The following SMC1A variants were observed in gnomAD, a reference collection of about 807,000 sequenced individuals.
SMC1A encodes structural maintenance of chromosomes protein 1A.
Under a neutral mutation model 94.5 loss-of-function variants are expected in SMC1A, and 4 were observed. The ratio of observed to expected loss-of-function variants is 0.04; its 90% CI spans 0.02 to 0.10. The LOEUF (loss-of-function observed/expected upper bound fraction) is 0.10. SMC1A is among the 10% of genes least tolerant of loss of function. The pLI is 1.00. For synonymous variants in SMC1A, 345 were observed against 347.7 expected, an observed-to-expected ratio of 0.99 and a Z score of 0.09; for missense variants, 304 against 989.0, an observed-to-expected ratio of 0.31 and a Z score of 9.29.
intron 13 of SMC1A, 97 bp from the exon 14 acceptor site, chrX:53,403,990 T>C: frequency 1.6e-6 from 1 of 616,546 alleles, no homozygotes; most frequent in Non-Finnish European, 2.8e-6. Flanking sequence ...GGGCTAGCTC[T>C]CCACAACTGA....
chrX:53,384,788 T>TA (rs1462584009), intron 19 of SMC1A, among the ~76,000 whole-genome samples: 2 of 109,754 alleles, frequency 1.8e-5, no homozygotes, highest in African/African-American at 3.3e-5. Context: ...TCTACAAAAA[T>TA]AAAAAAATTA....
At chrX:53,420,683 G>A (rs1325460135) in intron 1 of SMC1A, among the ~76,000 whole-genome samples, 1 of 111,725 alleles carries the variant, frequency 9.0e-6, no homozygotes, top group South Asian at 3.7e-4. Flanking sequence ...TGCAGACCAG[G>A]AGTCAGCCTT....
intron 5 of SMC1A, among the ~76,000 whole-genome samples, 165 bp downstream of exon 5, chrX:53,412,735 T>C (rs1324616396): frequency 8.0e-5 from 9 of 112,048 alleles, no homozygotes; most frequent in Non-Finnish European, 1.7e-4. Flanking sequence ...AATATTCTAT[T>C]TGTCTAAACT....
At chrX:53,422,671 G>C, upstream of SMC1A, 1 of 702,022 alleles carries the variant, frequency 1.4e-6, no homozygotes, top group African/African-American at 2.1e-5. Flanking sequence ...GCCCGCGCGG[G>C]AAACGCCGCA....
intron 1 of SMC1A, among the ~76,000 whole-genome samples, 173 bp from the exon 2 acceptor site, chrX:53,415,342 G>A (rs1556891130): frequency 9.0e-6 from 1 of 111,354 alleles, no homozygotes; most frequent in Non-Finnish European, 1.9e-5. Flanking sequence ...AAACCTCTGG[G>A]TCAAAGGCTT....
chrX:53,389,330 T>C (rs1464669750), intron 19 of SMC1A, among the ~76,000 whole-genome samples: 1 of 111,183 alleles, frequency 9.0e-6, no homozygotes, highest in East Asian at 2.8e-4. Context: ...GCTTTATCAA[T>C]CATCCACTAA....
chrX:53,391,004 GAAA>G (rs1175710151), intron 19 of SMC1A, among the ~76,000 whole-genome samples: 1 of 54,009 alleles, frequency 1.9e-5, no homozygotes, highest in Non-Finnish European at 3.4e-5. Flanking sequence ...AAAAGAAAAA[GAAA>G]AAAAAAAAAA....
rs1458449132 is a variant in SMC1A at position 53,375,261 on chromosome X, C to T, written c.*4842G>A. 1 of 112,152 alleles carries T rather than the reference C, an allele frequency of 8.9e-6. No individual in the cohort carries two copies. Among genetic ancestry groups the T allele is most frequent in the East Asian group, 2.8e-4 (1 of 3,593 alleles). 9.2% of individuals were successfully genotyped at this position (112,152 alleles called of 1,213,427 possible). A position where few individuals can be genotyped will look rare whatever the true frequency, so the allele number is the denominator to read the frequency against. ...CTAAGTCCCACCTTCTCCCTGACCA[C>T]CTCTGCCTGTCCTGATCTACAATGG... On this transcript the variant is annotated 3_prime_UTR_variant, in exon 25 of 25. Transcript: ENST00000322213.
chrX:53,402,891 G>A (rs1279645719), intron 15 of SMC1A, among the ~76,000 whole-genome samples: 2 of 15,609 alleles, frequency 1.3e-4, no homozygotes, highest in East Asian at 2.1e-3. Context: ...AAAAAGGGCC[G>A]GCAATATGGC....
In SMC1A at chrX:53,382,914, C is replaced by T. The variant is rs28718889; in HGVS notation, c.3130+183G>A. 0.12 allele frequency among the ~76,000 whole-genome samples: 12,948 copies of T among 110,829 alleles called. 1,899 individuals carry two copies. Among genetic ancestry groups the T allele is most frequent in the African/African-American group, 0.4 (12,226 of 30,211 alleles). ...GACCTTGAACAGGTCATTTACTCTC[C>T]GGGAACCTCAGCAATTTTCCGTTCT... On this transcript the variant is annotated intron_variant, in intron 20 of 24. Transcript: ENST00000322213.
At chrX:53,421,973 G>C in intron 1 of SMC1A, 1 of 1,209,800 alleles carries the variant, frequency 8.3e-7, no homozygotes, top group Middle Eastern at 2.3e-4. Flanking sequence ...AAATTCAAAA[G>C]TGCCGCCTCC....
intron 1 of SMC1A, among the ~76,000 whole-genome samples, chrX:53,415,468 G>A (rs1556891147): frequency 1.8e-5 from 2 of 110,191 alleles, no homozygotes; most frequent in Non-Finnish European, 1.9e-5. Flanking sequence ...CAGGAAGATC[G>A]CTTGAGGCCA....
intron 3 of SMC1A, among the ~76,000 whole-genome samples, chrX:53,414,070 C>G (rs1401678705): frequency 2.2e-5 from 1 of 45,561 alleles, no homozygotes; most frequent in Non-Finnish European, 4.3e-5. Context: ...AGCGAAACTC[C>G]GTCTCAAAAA....
At chrX:53,418,876 C>T (rs2075742784) in intron 1 of SMC1A, among the ~76,000 whole-genome samples, 2 of 110,243 alleles carry the variant, frequency 1.8e-5, no homozygotes, top group African/African-American at 3.3e-5. Context: ...AACCCCGTCC[C>T]TACTAAAAAT....
intron 15 of SMC1A, among the ~76,000 whole-genome samples, chrX:53,401,669 C>A (rs782802936): frequency 3.6e-5 from 4 of 110,270 alleles, no homozygotes; most frequent in East Asian, 5.7e-4. Context: ...TCTTTGGGAC[C>A]CTATGGCAAG....
Position 53,399,578 on chromosome X carries a change from T to C in SMC1A, c.2562+11A>G, listed in dbSNP as rs1044575453. The C allele has an allele frequency of 1.7e-6, 2 of 1,203,938 alleles. No individual in the cohort carries two copies. Among genetic ancestry groups the C allele is most frequent in the Admixed American group, 4.3e-5 (2 of 46,013 alleles). ...GTTATTAGTCTGTCTTTTAATTCTT[T>C]CCTTCCTTACCTTTTTGAGCTTTTC... On this transcript the variant is annotated intron_variant, in intron 16 of 24. Transcript: ENST00000322213.
chrX:53,414,115 CAAAA>C (rs1269181155), intron 3 of SMC1A, among the ~76,000 whole-genome samples: 1 of 102,425 alleles, frequency 9.8e-6, no homozygotes, highest in East Asian at 3.0e-4. Flanking sequence ...AACAAACAAA[CAAAA>C]AAAACAGAGA....
rs1457509764 is a variant in SMC1A at position 53,417,401 on chromosome X, A to C, written c.110-2232T>G. On this transcript the variant is annotated intron_variant, in intron 1 of 24. Transcript: ENST00000322213. Reference sequence around the variant, plus strand: ...ACCTCGTCTCTACTAAAAATACAAAATTAGCTGGGCATGGTGGCACATGCC... The same window carrying C: ...ACCTCGTCTCTACTAAAAATACAAACTTAGCTGGGCATGGTGGCACATGCC... Among the ~76,000 whole-genome samples the C allele has an allele frequency of 3.7e-5, 4 of 108,813 alleles. No homozygotes were observed. In the East Asian group the frequency reaches 1.2e-3, roughly 32 times the overall value. The allele number at this position is 108,813 out of a possible 115,157, so 94.5% of individuals were successfully genotyped here. A position where few individuals can be genotyped will look rare whatever the true frequency, so the allele number is the denominator to read the frequency against.
intron 3 of SMC1A, among the ~76,000 whole-genome samples, chrX:53,414,399 CCA>C (rs782462008): frequency 1.3e-3 from 149 of 111,756 alleles, no homozygotes; most frequent in Middle Eastern, 9.2e-3. Context: ...GTGCCCCACT[CCA>C]CAGTTTCTTC....
Sources: gnomAD v4.1 joint callset for allele counts (sites outside exome capture counted in the v4.1 genomes callset) on GRCh38, gnomAD v4.1.1 for gene constraint, MANE v1.5 for transcripts, NCBI Gene and HGNC (gene_info 2026-07-23, HGNC 2026-07-21) for gene names.